GALNT2: variants seen among roughly 807,000 people sequenced by gnomAD.
GALNT2 encodes polypeptide N-acetylgalactosaminyltransferase 2.
In GALNT2, 31 loss-of-function variants were observed where a neutral mutation model predicts 81.4. The observed-to-expected ratio is 0.38, with a 90% CI of 0.29 to 0.51. The LOEUF is 0.51. Among genes scored for constraint, GALNT2 ranks in the 20% least tolerant of loss-of-function variants. The pLI, the probability that GALNT2 is intolerant of heterozygous loss-of-function variation, is 0.87. For synonymous variants in GALNT2, 303 were observed against 287.4 expected (o/e 1.05, Z -0.55); for missense variants, 629 against 765.7 (o/e 0.82, Z 2.11).
chr1:230,173,188 G>A (rs916753666), intron 1 of GALNT2, among the ~76,000 whole-genome samples: 1 of 152,208 alleles, frequency 6.6e-6, no homozygotes, highest in Non-Finnish European at 1.5e-5. Context: ...CATTTACAAA[G>A]GGAGCGAAGA....
At chr1:230,161,141 C>G (rs762330182) in intron 1 of GALNT2, among the ~76,000 whole-genome samples, 2 of 152,230 alleles carry the variant, frequency 1.3e-5, no homozygotes, top group Admixed American at 1.3e-4. Flanking sequence ...CTGTGACTGT[C>G]TGGGCGGTCC....
At position 230,093,518 on chromosome 1, in the gene GALNT2, C is replaced by T. The variant is rs1289512404; in HGVS notation, c.126+26112C>T. Among the ~76,000 whole-genome samples, 5 of 152,202 alleles carry T rather than the reference C, an allele frequency of 3.3e-5. No homozygotes were observed. The South Asian group carries it at 8.3e-4, about 25-fold the overall frequency. ...TCGGCTGCGGGCTGTGTTCCCTGGG[C>T]TTCCTGCTGCTTCACTCCTGGGAGG... On this transcript the variant is annotated intron_variant, in intron 1 of 15. Coordinates refer to ENST00000366672, the MANE Select transcript of GALNT2 (RefSeq NM_004481.5).
At chr1:230,268,277 T>G (rs980535251) in intron 14 of GALNT2, 3 of 151,972 alleles carry the variant, frequency 2.0e-5, no homozygotes, top group Non-Finnish European at 4.4e-5. Context: ...ATGTGGATAA[T>G]TCGTGTAGGG....
At chr1:230,154,590 G>C (rs1046364953) in intron 1 of GALNT2, among the ~76,000 whole-genome samples, 1 of 152,144 alleles carries the variant, frequency 6.6e-6, no homozygotes, top group Admixed American at 6.5e-5. Context: ...AAATGTGGTC[G>C]TCAGCATGGG....
At chr1:230,160,406 C>T (rs10864726) in intron 1 of GALNT2, among the ~76,000 whole-genome samples, 68,025 of 151,940 alleles carry the variant, frequency 0.45, 18,278 homozygotes, top group Non-Finnish European at 0.6. Context: ...CCAGGGCCTC[C>T]CTGTATACAA....
At chr1:230,177,893 T>C (rs902753949) in intron 1 of GALNT2, among the ~76,000 whole-genome samples, 1 of 152,226 alleles carries the variant, frequency 6.6e-6, no homozygotes, top group East Asian at 1.9e-4. Context: ...CCACTTTCCC[T>C]ATCTCGCTTC....
chr1:230,124,364 C>T (rs1421961481), intron 1 of GALNT2, among the ~76,000 whole-genome samples: 2 of 152,186 alleles, frequency 1.3e-5, no homozygotes, highest in African/African-American at 4.8e-5. Flanking sequence ...CGCAAGAGCC[C>T]TTCTGACCTG....
At chr1:230,182,845 A>G (rs569316555) in intron 2 of GALNT2, among the ~76,000 whole-genome samples, 4 of 152,378 alleles carry the variant, frequency 2.6e-5, no homozygotes, top group Admixed American at 6.5e-5. Context: ...GTCTCAAACT[A>G]TAACAGTGAG....
intron 1 of GALNT2, among the ~76,000 whole-genome samples, chr1:230,174,994 C>T (rs638116): frequency 0.23 from 34,412 of 151,880 alleles, 4,618 homozygotes; most frequent in East Asian, 0.38. Flanking sequence ...TTGTTCCCCA[C>T]GCTTGTCTGT....
chr1:230,130,934 A>G (rs920425992), intron 1 of GALNT2, among the ~76,000 whole-genome samples: 3 of 152,204 alleles, frequency 2.0e-5, no homozygotes, highest in Non-Finnish European at 4.4e-5. Context: ...GGGAGCAGAA[A>G]GGTGGAGGCT....
chr1:230,263,999 C>G (rs952779156), intron 13 of GALNT2: 1 of 152,198 alleles, frequency 6.6e-6, no homozygotes, highest in African/African-American at 2.4e-5. Context: ...GGCCCATGCC[C>G]CCTAGGAGGA....
chr1:230,124,348 A>G (rs1035406844), intron 1 of GALNT2, among the ~76,000 whole-genome samples: 10 of 152,216 alleles, frequency 6.6e-5, no homozygotes, highest in African/African-American at 2.2e-4. Flanking sequence ...AGAGCTGTCT[A>G]TCACCCGCAA....
At chr1:230,131,733 G>C (rs1661374683) in intron 1 of GALNT2, among the ~76,000 whole-genome samples, 1 of 152,126 alleles carries the variant, frequency 6.6e-6, no homozygotes. Context: ...CCAGGTATGG[G>C]GTCCTGTTGG....
chr1:230,059,180 G>T (rs1256633757), intron 1 of GALNT2, among the ~76,000 whole-genome samples: 1 of 152,174 alleles, frequency 6.6e-6, no homozygotes, highest in Non-Finnish European at 1.5e-5. Flanking sequence ...TCATTAAATT[G>T]TACAGGGCTC....
At chr1:230,144,505 AT>A (rs1320611262) in intron 1 of GALNT2, among the ~76,000 whole-genome samples, 1 of 152,154 alleles carries the variant, frequency 6.6e-6, no homozygotes, top group African/African-American at 2.4e-5. Flanking sequence ...GGTTGTAATA[AT>A]TATGTCGACT....
chr1:230,251,485 C>G (rs1665543461), intron 10 of GALNT2, among the ~76,000 whole-genome samples: 1 of 152,170 alleles, frequency 6.6e-6, no homozygotes, highest in African/African-American at 2.4e-5. Context: ...TTGAGGATTT[C>G]TCTGCCTTGG....
chr1:230,198,049 C>T (rs541127006), intron 2 of GALNT2, among the ~76,000 whole-genome samples: 78 of 152,336 alleles, frequency 5.1e-4, no homozygotes, highest in African/African-American at 1.8e-3. Context: ...GCGGCTGTAT[C>T]GGCACGCAGC....
intron 2 of GALNT2, among the ~76,000 whole-genome samples, chr1:230,182,522 T>G (rs1025425557): frequency 6.6e-6 from 1 of 152,252 alleles, no homozygotes; most frequent in South Asian, 2.1e-4. Context: ...TTAGTCTCCA[T>G]GTACTTTGGG....
intron 3 of GALNT2, among the ~76,000 whole-genome samples, chr1:230,207,415 C>G (rs139640755): frequency 1.3e-5 from 2 of 151,872 alleles, no homozygotes; most frequent in African/African-American, 4.8e-5. Flanking sequence ...AACAAACAGA[C>G]AAACAAAAAA....
Sources: allele counts gnomAD v4.1 joint callset (sites outside exome capture counted in the v4.1 genomes callset), GRCh38; gene constraint gnomAD v4.1.1; transcripts MANE v1.5; gene names NCBI Gene and HGNC (gene_info 2026-07-23, HGNC 2026-07-21).